The following PAPPA2 variants were observed in gnomAD, a reference collection of about 807,000 sequenced individuals.
PAPPA2 encodes pappalysin-2.
In PAPPA2, 86 loss-of-function variants were observed where a neutral mutation model predicts 176.4. The observed-to-expected ratio is 0.49, with a 90% CI of 0.41 to 0.58. PAPPA2 has a LOEUF of 0.58. PAPPA2 is among the 20% of genes least tolerant of loss of function. The pLI, the probability that PAPPA2 is intolerant of heterozygous loss-of-function variation, is 0.00. For synonymous variants in PAPPA2, 809 were observed against 852.2 expected (o/e 0.95, Z 0.88); for missense variants, 2,073 against 2,256.9 (o/e 0.92, Z 1.65).
At chr1:176,720,506 T>C (rs896186188) in intron 12 of PAPPA2, among the ~76,000 whole-genome samples, 1 of 152,178 alleles carries the variant, frequency 6.6e-6, no homozygotes, top group African/African-American at 2.4e-5. Context: ...TTCTTATTCA[T>C]TTGTTCTATA....
intron 8 of PAPPA2, among the ~76,000 whole-genome samples, chr1:176,699,799 T>C (rs1367045933): frequency 6.6e-6 from 1 of 152,208 alleles, no homozygotes; most frequent in African/African-American, 2.4e-5. Context: ...GATGCCATCA[T>C]CATGATTATG....
intron 14 of PAPPA2, among the ~76,000 whole-genome samples, chr1:176,751,048 T>C (rs2102887224): frequency 6.6e-6 from 1 of 152,088 alleles, no homozygotes; most frequent in South Asian, 2.1e-4. Flanking sequence ...CAGTTTCAGC[T>C]TTCTACATAT....
Position 176,834,790 on chromosome 1 carries a change from T to C in PAPPA2, c.5203-5383T>C, listed in dbSNP as rs536969372. Reference sequence around the variant, plus strand: ...TTCGAGACCAGCCTGACCAACATGGTGAAACCCCGTCTCTACTAGAAATAC... The same window carrying C: ...TTCGAGACCAGCCTGACCAACATGGCGAAACCCCGTCTCTACTAGAAATAC... On this transcript the variant is annotated intron_variant, in intron 21 of 22. Coordinates refer to ENST00000367662, the MANE Select transcript of PAPPA2 (RefSeq NM_020318.3). 1.7e-3 allele frequency among the ~76,000 whole-genome samples: 262 copies of C among 152,200 alleles called. 1 individual carries two copies. Among genetic ancestry groups the C allele is most frequent in the Non-Finnish European group, 2.7e-3 (181 of 67,998 alleles).
chr1:176,708,530 T>TAGAGAG (rs71565479), intron 10 of PAPPA2, among the ~76,000 whole-genome samples: 68,271 of 145,132 alleles, frequency 0.47, 16,751 homozygotes, highest in East Asian at 0.68. Flanking sequence ...TACGTACATG[T>TAGAGAG]AGAGAGAGAG....
chr1:176,695,586 A>T (rs1305741965), intron 6 of PAPPA2, 152 bp from the exon 7 acceptor site: 1 of 857,350 alleles, frequency 1.2e-6, no homozygotes, highest in African/African-American at 1.7e-5. Flanking sequence ...ACAAGAAAAA[A>T]CGATTGAGAT....
chr1:176,554,472 A>G (rs1213133261), intron 1 of PAPPA2, among the ~76,000 whole-genome samples: 1 of 152,214 alleles, frequency 6.6e-6, no homozygotes, highest in African/African-American at 2.4e-5. Flanking sequence ...GTACACGCAC[A>G]TGCACTTAGG....
chr1:176,720,641 A>C (rs889938891), intron 12 of PAPPA2, among the ~76,000 whole-genome samples: 1 of 152,278 alleles, frequency 6.6e-6, no homozygotes, highest in Admixed American at 6.5e-5. Flanking sequence ...GTATCTACAT[A>C]TAAATAGATA....
In PAPPA2 at chr1:176,699,393, G is replaced by A. The variant is rs1660540572; in HGVS notation, c.3040G>A (p.Asp1014Asn). 6.2e-7 allele frequency: 1 copy of A among 1,614,170 alleles called. No individual in the cohort carries two copies. The highest frequency in any genetic ancestry group is 8.5e-7 in the Non-Finnish European group (1 of 1,180,014). Residue 1014 changes from aspartate (D) to asparagine (N), a missense_variant, in exon 8 of 23, where the codon GAT becomes AAT. By Grantham distance (23) the Asp-to-Asn change is conservative. This residue lies in a region of PAPPA2 where 1,196 missense variants were observed against 1,330.4 expected (regional missense o/e 0.90). Coordinates refer to ENST00000367662, the MANE Select transcript of PAPPA2 (RefSeq NM_020318.3). The stretch of plus-strand genomic sequence containing the variant: ...CCCACTCACCATCAAACTGCACGTG[G>A]ATGGGAAGGTGTCGGGGGTGAAAGT... ...DIPLTIKLHV[D>N]GKVSGVKVYT...
chr1:176,640,282 G>A (rs11588519), intron 3 of PAPPA2, among the ~76,000 whole-genome samples: 37,450 of 150,270 alleles, frequency 0.25, 4,803 homozygotes, highest in South Asian at 0.33. Flanking sequence ...ATGCTGGTGC[G>A]CTGCACCCAT....
chr1:176,700,742 G>A (rs911858326), intron 8 of PAPPA2, among the ~76,000 whole-genome samples: 14 of 152,130 alleles, frequency 9.2e-5, no homozygotes, highest in African/African-American at 2.7e-4. Context: ...AATGGGTGGC[G>A]AAATAAACCC....
intron 21 of PAPPA2, among the ~76,000 whole-genome samples, chr1:176,815,411 C>T (rs560139547): frequency 2.0e-4 from 31 of 152,254 alleles, no homozygotes; most frequent in Non-Finnish European, 3.8e-4. Flanking sequence ...AGTTCCTACC[C>T]CTCTGCTCCT....
intron 12 of PAPPA2, among the ~76,000 whole-genome samples, chr1:176,713,507 A>G (rs1418316499): frequency 6.6e-6 from 1 of 152,226 alleles, no homozygotes; most frequent in Non-Finnish European, 1.5e-5. Context: ...CTTTACCTAA[A>G]TTAATATAAC....
In PAPPA2 at chr1:176,771,014, C is replaced by A; in HGVS notation, c.4549C>A (p.Pro1517Thr). 1 of 1,614,124 alleles carries A rather than the reference C, an allele frequency of 6.2e-7. No homozygotes were observed. The highest frequency in any genetic ancestry group is 8.5e-7 in the Non-Finnish European group (1 of 1,180,020). ...TCTTGAAGATGGTCTCTGGTCTCTC[C>A]CTGAAGTCTACTGCAAGTTGGAGTG... ...TCLEDGLWSL[P>T]EVYCKLECDA... The change falls in exon 17 of 23, where the codon CCT (proline) becomes ACT (threonine). Residue 1517 changes from proline (P) to threonine (T), a missense_variant. This residue lies in a region of PAPPA2 where 846 missense variants were observed against 857.9 expected (regional missense o/e 0.99). Transcript: ENST00000367662.
chr1:176,505,416 G>T (rs896677231), intron 1 of PAPPA2, among the ~76,000 whole-genome samples: 36 of 151,976 alleles, frequency 2.4e-4, no homozygotes, highest in African/African-American at 7.5e-4. Context: ...ACTGTTTTTT[G>T]GAGTTTGGAA....
intron 21 of PAPPA2, among the ~76,000 whole-genome samples, chr1:176,812,256 C>G (rs1400677266): frequency 6.7e-6 from 1 of 150,276 alleles, no homozygotes; most frequent in East Asian, 2.0e-4. Flanking sequence ...CACTGTCCTT[C>G]CCTTTTTAGC....
At chr1:176,640,131 AT>A (rs1438213767) in intron 3 of PAPPA2, among the ~76,000 whole-genome samples, 1 of 149,086 alleles carries the variant, frequency 6.7e-6, no homozygotes, top group Non-Finnish European at 1.5e-5. Context: ...ATCTATTTTT[AT>A]TTTTTTCAAA....
chr1:176,696,714 C>A (rs1412686550), intron 7 of PAPPA2, among the ~76,000 whole-genome samples: 1 of 151,886 alleles, frequency 6.6e-6, no homozygotes, highest in African/African-American at 2.4e-5. Context: ...TTTTCTTTGC[C>A]TTTAAAATAT....
At chr1:176,816,272 C>T (rs1035115634) in intron 21 of PAPPA2, among the ~76,000 whole-genome samples, 5 of 123,366 alleles carry the variant, frequency 4.1e-5, no homozygotes, top group Middle Eastern at 4.8e-3. Flanking sequence ...TATGTACACA[C>T]GTATATATAA....
rs545992396 is a variant in PAPPA2, at chr1:176,789,004, G to A, written c.4716-805G>A. ...TCAAATCACTTCTGATCAGTTCTTTGAATGTGTGATAACCTTTTTTGTACC... is the reference window on the plus strand; with the variant it reads ...TCAAATCACTTCTGATCAGTTCTTTAAATGTGTGATAACCTTTTTTGTACC... On this transcript the variant is annotated intron_variant, in intron 17 of 22. Transcript: ENST00000367662. Among the ~76,000 whole-genome samples, 3 of 152,178 alleles carry A rather than the reference G, an allele frequency of 2.0e-5. No homozygotes were observed. The East Asian group carries it at 5.8e-4, about 29-fold the overall frequency.
Sources: gnomAD v4.1 joint callset for allele counts (sites outside exome capture counted in the v4.1 genomes callset) on GRCh38, gnomAD v4.1.1 for gene constraint, gnomAD v4.1.1 regional missense constraint, MANE v1.5 for transcripts, NCBI Gene and HGNC (gene_info 2026-07-23, HGNC 2026-07-21) for gene names.